The following PRR5L variants were observed in gnomAD, a reference collection of about 807,000 sequenced individuals.
The protein encoded by PRR5L is proline-rich protein 5-like.
A neutral mutation model predicts 36.4 loss-of-function variants in PRR5L; 21 were observed. The observed-to-expected ratio is 0.58, with a 90% CI of 0.41 to 0.83. The LOEUF (loss-of-function observed/expected upper bound fraction) is 0.83. Among genes scored for constraint, PRR5L ranks in the 40% least tolerant of loss-of-function variants. PRR5L has a pLI of 0.00. For synonymous variants in PRR5L, 188 were observed against 197.0 expected (o/e 0.95, Z 0.38); for missense variants, 381 against 473.3 (o/e 0.80, Z 1.81).
In PRR5L at chr11:36,376,049, T is replaced by A. The variant is rs1211564673; in HGVS notation, c.-125-24948T>A. On this transcript the variant is annotated intron_variant, in intron 1 of 8. Transcript: ENST00000530639. ...CGGGGGTCGGCTGCAGATCTCCCGT[T>A]GTGTGAGAGAAACGCAAGCACGGAG... The A allele has an allele frequency of 6.5e-6, 5 of 766,566 alleles. No individual in the cohort carries two copies. In the Middle Eastern group the frequency reaches 8.3e-4, roughly 127 times the overall value. The allele number at this position is 766,566 out of a possible 1,614,324, so 47.5% of individuals were successfully genotyped here.
Position 36,401,045 on chromosome 11 carries a change from GC to G in PRR5L, c.-73del, listed in dbSNP as rs1031041979. The stretch of plus-strand genomic sequence containing the variant: ...AAGAAAGCCTGAGGGCCTGAAGGCA[GC>G]CCCTGGAGAAGCCCTTTCCGAGGGC... On this transcript the variant is annotated 5_prime_UTR_variant, in exon 2 of 9. The change creates a premature stop within an existing upstream ORF in the 5' untranslated region. Transcript: ENST00000530639. 3 of 1,559,458 alleles carry G rather than the reference GC, an allele frequency of 1.9e-6. No individual in the cohort carries two copies. The highest frequency in any genetic ancestry group is 2.6e-6 in the Non-Finnish European group (3 of 1,151,998).
At position 36,359,171 on chromosome 11, in the gene PRR5L, G is replaced by T. The variant is rs377600322; in HGVS notation, c.-125-41826G>T. On this transcript the variant is annotated intron_variant, in intron 1 of 8. Transcript: ENST00000530639. Reference sequence around the variant, plus strand: ...TCGCTGAGCCTCAGTTTCCTCATCTGTAAGTGGCAGATTTGAACTAAAGAT... The same window carrying T: ...TCGCTGAGCCTCAGTTTCCTCATCTTTAAGTGGCAGATTTGAACTAAAGAT... Among the ~76,000 whole-genome samples the T allele has an allele frequency of 1.8e-4, 27 of 152,338 alleles. No individual in the cohort carries two copies. The East Asian group carries it at 4.8e-3, about 27-fold the overall frequency.
intron 1 of PRR5L, among the ~76,000 whole-genome samples, chr11:36,304,409 G>T (rs969222823): frequency 2.6e-5 from 4 of 152,082 alleles, no homozygotes; most frequent in Admixed American, 6.6e-5. Flanking sequence ...TTATTTTAGG[G>T]GATATTGTGA....
intron 4 of PRR5L, among the ~76,000 whole-genome samples, chr11:36,422,165 T>C (rs1442232845): frequency 1.3e-5 from 2 of 152,220 alleles, no homozygotes; most frequent in Admixed American, 1.3e-4. Context: ...TACCAGGCAC[T>C]GCTTAAAAAT....
chr11:36,362,018 C>G (rs1857094108), intron 1 of PRR5L: 1 of 132,454 alleles, frequency 7.5e-6, no homozygotes, highest in African/African-American at 2.9e-5. Flanking sequence ...AGTTCAAAGT[C>G]GGGGGGTGCT....
At position 36,376,249 on chromosome 11, in the gene PRR5L, G is replaced by T. The variant is rs1388875036; in HGVS notation, c.-125-24748G>T. Reference sequence around the variant, plus strand: ...TGAGATGGGGTGAAGTGAGTTGGGGGACATTGGAGAGACACTAAAGCTAGG... The same window carrying T: ...TGAGATGGGGTGAAGTGAGTTGGGGTACATTGGAGAGACACTAAAGCTAGG... On this transcript the variant is annotated intron_variant, in intron 1 of 8. Transcript: ENST00000530639. 1.8e-5 allele frequency: 22 copies of T among 1,242,582 alleles called. No individual in the cohort carries two copies. In the South Asian group the frequency reaches 2.8e-4, roughly 16 times the overall value. 77.0% of individuals were successfully genotyped at this position (1,242,582 alleles called of 1,614,324 possible). A position where few individuals can be genotyped will look rare whatever the true frequency, so the allele number is the denominator to read the frequency against.
At chr11:36,351,800 C>A (rs1475118082) in intron 1 of PRR5L, among the ~76,000 whole-genome samples, 2 of 111,958 alleles carry the variant, frequency 1.8e-5, no homozygotes, top group Admixed American at 1.1e-4. Context: ...TTATATATAC[C>A]ACAATTTCTT....
At position 36,401,143 on chromosome 11, in the gene PRR5L, A is replaced by T; in HGVS notation, c.22A>T (p.Ile8Phe). 5.6e-6 allele frequency: 9 copies of T among 1,614,124 alleles called. No homozygotes were observed. Among genetic ancestry groups the T allele is most frequent in the Non-Finnish European group, 7.6e-6 (9 of 1,180,010 alleles). Residue 8 changes from isoleucine to phenylalanine, a missense_variant, in exon 2 of 9, where the codon ATT becomes TTT. By Grantham distance (21) the Ile-to-Phe change is conservative. Transcript: ENST00000530639. MTRGFAP[I>F]LPVEFHKMGS... The stretch of plus-strand genomic sequence containing the variant: ...ACTTATGACCCGCGGCTTCGCTCCC[A>T]TTCTGCCCGTCGAGTTCCACAAGAT...
At chr11:36,434,726 C>T (rs1331928016) in intron 5 of PRR5L, among the ~76,000 whole-genome samples, 1 of 152,200 alleles carries the variant, frequency 6.6e-6, no homozygotes. Context: ...AAGTCCTTGA[C>T]TTATGGGCTG....
At chr11:36,349,279 C>CAA (rs56844732) in intron 1 of PRR5L, among the ~76,000 whole-genome samples, 2,586 of 105,946 alleles carry the variant, frequency 0.024, 57 homozygotes, top group Non-Finnish European at 0.031. Context: ...AAGACTCTGC[C>CAA]AAAAAAAAAA....
chr11:36,320,193 G>A (rs3824946), intron 1 of PRR5L, among the ~76,000 whole-genome samples: 60,379 of 151,138 alleles, frequency 0.4, 12,765 homozygotes, highest in East Asian at 0.73. Flanking sequence ...AAATGTCTCT[G>A]GGTCTCAGTT....
chr11:36,397,825 CG>C (rs1410950043), intron 1 of PRR5L, among the ~76,000 whole-genome samples: 5 of 148,816 alleles, frequency 3.4e-5, no homozygotes, highest in African/African-American at 1.2e-4. Context: ...AGACGAGTTT[CG>C]CTCTTGTTGC....
At position 36,430,984 on chromosome 11, in the gene PRR5L, T is replaced by C. The variant is rs528330043; in HGVS notation, c.295-869T>C. ...TTTGCAGCTGCCTCTCCCATAATCATAGGCCTGGGTAATCTAATAATATGA... is the reference window on the plus strand; with the variant it reads ...TTTGCAGCTGCCTCTCCCATAATCACAGGCCTGGGTAATCTAATAATATGA... On this transcript the variant is annotated intron_variant, in intron 4 of 8. Transcript: ENST00000530639. Among the ~76,000 whole-genome samples the C allele has an allele frequency of 5.3e-5, 8 of 152,316 alleles. No homozygotes were observed. The South Asian group carries it at 1.5e-3, about 28-fold the overall frequency.
In PRR5L at chr11:36,344,502, AT is replaced by A. The variant is rs1269451016; in HGVS notation, c.-126+48066del. Among the ~76,000 whole-genome samples, 3 of 152,222 alleles carry A rather than the reference AT, an allele frequency of 2.0e-5. No homozygotes were observed. The highest frequency in any genetic ancestry group is 4.4e-5 in the Non-Finnish European group (3 of 68,036). On this transcript the variant is annotated intron_variant, in intron 1 of 8. Transcript: ENST00000530639. The surrounding 1 kb of genome is among the most constrained non-coding windows in gnomAD (Gnocchi z 4.1). Reference sequence around the variant, plus strand: ...CTATATTGTACCACCTGTTTTGGACATTAACTTCATTTGTACTTTTGCTATT... The same window carrying A: ...CTATATTGTACCACCTGTTTTGGACATAACTTCATTTGTACTTTTGCTATT...
rs373063026 is a variant in PRR5L, at chr11:36,408,911, C to T, written c.245+5533C>T. ...GGGGTGTGTGTGTCGAAGCAGGGGCCATTGATTCATTGATTTATTTATTGA... is the reference window on the plus strand; with the variant it reads ...GGGGTGTGTGTGTCGAAGCAGGGGCTATTGATTCATTGATTTATTTATTGA... On this transcript the variant is annotated intron_variant, in intron 3 of 8. Coordinates refer to ENST00000530639, the MANE Select transcript of PRR5L (RefSeq NM_001160167.2). 1.1e-4 allele frequency among the ~76,000 whole-genome samples: 16 copies of T among 152,220 alleles called. 1 individual carries two copies. The East Asian group carries it at 2.3e-3, about 22-fold the overall frequency.
chr11:36,304,216 A>G (rs1856406438), intron 1 of PRR5L, among the ~76,000 whole-genome samples: 1 of 152,218 alleles, frequency 6.6e-6, no homozygotes, highest in Non-Finnish European at 1.5e-5. Context: ...ATTCATGTGT[A>G]GAGGACATGG....
At chr11:36,390,118 C>A (rs1857537288) in intron 1 of PRR5L, among the ~76,000 whole-genome samples, 1 of 152,150 alleles carries the variant, frequency 6.6e-6, no homozygotes, top group African/African-American at 2.4e-5. Context: ...TTTATTAAGG[C>A]AGATTATGAC....
chr11:36,376,165 G>A (rs1459933642), intron 1 of PRR5L: 2 of 1,304,794 alleles, frequency 1.5e-6, no homozygotes, highest in South Asian at 1.2e-5. Context: ...GGATGTAAGT[G>A]CAGGGCCCCC....
chr11:36,375,928 C>T (rs1203535861), intron 1 of PRR5L: 4 of 325,120 alleles, frequency 1.2e-5, no homozygotes, highest in African/African-American at 8.7e-5. Context: ...CCAGGCTCCA[C>T]TCCTCTCTTC....
Sources: gnomAD v4.1 joint callset for allele counts (sites outside exome capture counted in the v4.1 genomes callset) on GRCh38, gnomAD v4.1.1 for gene constraint, Gnocchi (gnomAD v3.1) non-coding constraint, MANE v1.5 for transcripts, NCBI Gene and HGNC (gene_info 2026-07-23, HGNC 2026-07-21) for gene names.